Variants in SNX9 observed in about 807,000 individuals in gnomAD.
SNX9 encodes the protein sorting nexin 9, also known as sorting nexin-9.
Under a neutral mutation model 89.4 loss-of-function variants are expected in SNX9, and 44 were observed. That is an observed-to-expected ratio of 0.49 (90% CI 0.39 to 0.63). The LOEUF (loss-of-function observed/expected upper bound fraction) is 0.63, where lower values mean the gene tolerates loss of function less well. Ranked by LOEUF, SNX9 falls within the 30% of genes least tolerant of loss-of-function variation. The pLI is 0.00. For synonymous variants in SNX9, 236 were observed against 247.8 expected (o/e 0.95, Z 0.45); for missense variants, 578 against 736.1 (o/e 0.79, Z 2.49).
At chr6:157,895,585 T>G (rs1782961405) in intron 4 of SNX9, among the ~76,000 whole-genome samples, 1 of 152,074 alleles carries the variant, frequency 6.6e-6, no homozygotes, top group African/African-American at 2.4e-5. Flanking sequence ...TGTGTCCATA[T>G]GTGCTGATGT....
chr6:157,854,953 T>TAAA (rs538405265), intron 1 of SNX9, among the ~76,000 whole-genome samples: 3 of 129,318 alleles, frequency 2.3e-5, no homozygotes, highest in Non-Finnish European at 5.0e-5. Context: ...AGGTTCATGT[T>TAAA]AAAAAAAAAA....
intron 7 of SNX9, among the ~76,000 whole-genome samples, chr6:157,908,513 TG>T (rs1190271718): frequency 6.6e-6 from 1 of 152,232 alleles, no homozygotes; most frequent in Non-Finnish European, 1.5e-5. Flanking sequence ...CTCTAGAATC[TG>T]TCATTGTGAT....
At chr6:157,841,080 CAGT>C (rs749939805) in intron 1 of SNX9, among the ~76,000 whole-genome samples, 2 of 152,140 alleles carry the variant, frequency 1.3e-5, no homozygotes, top group African/African-American at 2.4e-5. Flanking sequence ...TTGAGAGCAG[CAGT>C]AGAAGAAAGC....
chr6:157,841,849 A>G (rs1404623771), intron 1 of SNX9, among the ~76,000 whole-genome samples: 2 of 152,274 alleles, frequency 1.3e-5, no homozygotes, highest in Non-Finnish European at 2.9e-5. Context: ...GCATGATTCA[A>G]TATTTTCTAT....
chr6:157,930,497 G>A (rs1208636844), intron 12 of SNX9, among the ~76,000 whole-genome samples: 2 of 152,116 alleles, frequency 1.3e-5, no homozygotes, highest in Non-Finnish European at 2.9e-5. Context: ...GACCATTACC[G>A]CACAGCAGGA....
At position 157,943,312 on chromosome 6, in the gene SNX9, C is replaced by T. The variant is rs1299032534; in HGVS notation, c.*474C>T. 6.6e-6 allele frequency: 1 copy of T among 152,470 alleles called. No homozygotes were observed. The highest frequency in any genetic ancestry group is 1.5e-5 in the Non-Finnish European group (1 of 68,210). 9.4% of individuals were successfully genotyped at this position (152,470 alleles called of 1,614,324 possible). A position where few individuals can be genotyped will look rare whatever the true frequency, so the allele number is the denominator to read the frequency against. ...TCTATGTTTGTATATTTTTATAACT[C>T]CTTTCAGTCCTCTGGGGCTCCTGTC... On this transcript the variant is annotated 3_prime_UTR_variant, in exon 18 of 18. Coordinates refer to ENST00000392185, the MANE Select transcript of SNX9 (RefSeq NM_016224.5).
chr6:157,912,686 T>G (rs1415791834), intron 9 of SNX9, among the ~76,000 whole-genome samples: 1 of 152,246 alleles, frequency 6.6e-6, no homozygotes, highest in Non-Finnish European at 1.5e-5. Context: ...GGTGATGCTA[T>G]GACATTCCTG....
chr6:157,850,465 G>A (rs1781889518), intron 1 of SNX9, among the ~76,000 whole-genome samples: 1 of 152,200 alleles, frequency 6.6e-6, no homozygotes, highest in South Asian at 2.1e-4. Flanking sequence ...ATGGGAAGGA[G>A]AGCGTGGCGA....
chr6:157,834,495 T>C (rs1029446459), intron 1 of SNX9, among the ~76,000 whole-genome samples: 1 of 150,652 alleles, frequency 6.6e-6, no homozygotes, highest in African/African-American at 2.5e-5. Context: ...TACAGCTGTG[T>C]GCCACCCCCC....
At chr6:157,905,757 T>C (rs111760241) in intron 6 of SNX9, among the ~76,000 whole-genome samples, 4,593 of 152,288 alleles carry the variant, frequency 0.03, 227 homozygotes, top group African/African-American at 0.1. Flanking sequence ...CATGTGGCTA[T>C]TGCCCCCTGT....
intron 1 of SNX9, among the ~76,000 whole-genome samples, chr6:157,859,279 G>A (rs951641430): frequency 5.9e-5 from 9 of 152,026 alleles, no homozygotes; most frequent in Non-Finnish European, 5.9e-5. Flanking sequence ...TTAATTTCTT[G>A]TTTTATTTAA....
At chr6:157,876,125 CAT>C (rs1443347554) in intron 4 of SNX9, among the ~76,000 whole-genome samples, 3 of 151,438 alleles carry the variant, frequency 2.0e-5, no homozygotes, top group Non-Finnish European at 2.9e-5. Context: ...TGATGATAAT[CAT>C]ATCACTTACA....
chr6:157,862,959 G>T (rs2115131048), intron 1 of SNX9, among the ~76,000 whole-genome samples: 1 of 152,312 alleles, frequency 6.6e-6, no homozygotes, highest in South Asian at 2.1e-4. Flanking sequence ...TAACAGAGAA[G>T]TCTTCCATGG....
At chr6:157,847,179 T>C (rs773902472) in intron 1 of SNX9, among the ~76,000 whole-genome samples, 4 of 152,202 alleles carry the variant, frequency 2.6e-5, no homozygotes, top group Non-Finnish European at 5.9e-5. Context: ...ACCAGCTCAC[T>C]GCAGCTTCCA....
chr6:157,905,814 AG>A (rs1783202797), intron 6 of SNX9, among the ~76,000 whole-genome samples: 1 of 152,136 alleles, frequency 6.6e-6, no homozygotes. Flanking sequence ...CCAGGGAACT[AG>A]GGGGGCGTTT....
intron 9 of SNX9, among the ~76,000 whole-genome samples, chr6:157,911,566 T>G (rs1001807550): frequency 8.5e-5 from 13 of 152,192 alleles, no homozygotes; most frequent in African/African-American, 3.1e-4. Flanking sequence ...GATAGGCATT[T>G]TCATCTTCAC....
intron 1 of SNX9, among the ~76,000 whole-genome samples, chr6:157,865,683 A>G (rs1474435253): frequency 2.0e-5 from 3 of 152,266 alleles, no homozygotes; most frequent in South Asian, 4.1e-4. Flanking sequence ...ATATTCGTCC[A>G]TCAGTCCATC....
intron 1 of SNX9, among the ~76,000 whole-genome samples, chr6:157,832,268 G>A (rs1310879262): frequency 1.3e-5 from 2 of 152,196 alleles, no homozygotes; most frequent in Non-Finnish European, 2.9e-5. Context: ...AAATTAAAGA[G>A]GGGGAAATGC....
At chr6:157,942,083 A>G (rs992554738) in intron 17 of SNX9, among the ~76,000 whole-genome samples, 4 of 152,260 alleles carry the variant, frequency 2.6e-5, no homozygotes, top group South Asian at 4.1e-4. Flanking sequence ...GTAATTCAGA[A>G]TAGAAAACCA....
Sources: gnomAD v4.1 joint callset for allele counts (sites outside exome capture counted in the v4.1 genomes callset) on GRCh38, gnomAD v4.1.1 for gene constraint, MANE v1.5 for transcripts, NCBI Gene and HGNC (gene_info 2026-07-23, HGNC 2026-07-21) for gene names.